SAMSN1: variants seen among roughly 807,000 people sequenced by gnomAD.
SAMSN1 encodes the protein SAM domain, SH3 domain and nuclear localization signals 1, also known as SAM domain-containing protein SAMSN-1.
In SAMSN1, 31 loss-of-function variants were observed where a neutral mutation model predicts 42.0. The ratio of observed to expected loss-of-function variants is 0.74; its 90% CI spans 0.55 to 1.00. The LOEUF (loss-of-function observed/expected upper bound fraction) is 1.00, where lower values mean the gene tolerates loss of function less well. SAMSN1 is among the 50% of genes least tolerant of loss of function. The probability of loss-of-function intolerance (pLI) is 0.00; values close to 1 mark genes in which losing one functional copy is unlikely to be tolerated. For missense variants in SAMSN1, 464 were observed against 439.4 expected (o/e 1.06, Z -0.50); for synonymous variants, 178 against 151.9 (o/e 1.17, Z -1.26).
intron 1 of SAMSN1, among the ~76,000 whole-genome samples, chr21:14,657,014 T>A (rs574985744): frequency 1.3e-5 from 2 of 151,886 alleles, no homozygotes; most frequent in African/African-American, 4.8e-5. Flanking sequence ...CAGCCATGGA[T>A]AAAACATGTT....
At chr21:14,582,456 T>C (rs1299344179) in exon 2 of SAMSN1, 1 of 1,446,746 alleles carries the variant, frequency 6.9e-7, no homozygotes, top group Non-Finnish European at 9.5e-7. Flanking sequence ...TTGGTTAATT[T>C]CAAACAAGAA....
Position 14,618,680 on chromosome 21 carries a change from GTGTGTGTGTGTGCGCGCGCGCGCA to G in SAMSN1, c.157-2688_157-2665del, listed in dbSNP as rs1405905690. Among the ~76,000 whole-genome samples the G allele has an allele frequency of 1.0e-3, 83 of 80,586 alleles. 2 individuals carry two copies. The highest frequency in any genetic ancestry group is 6.6e-3 in the South Asian group (18 of 2,748). The allele number at this position is 80,586 out of a possible 152,430, so 52.9% of individuals were successfully genotyped here. A position where few individuals can be genotyped will look rare whatever the true frequency, so the allele number is the denominator to read the frequency against. On this transcript the variant is annotated intron_variant, in intron 2 of 15. Coordinates refer to the SAMSN1 transcript ENST00000647101. ...TATGTGTGTGTGTGTGTGTGTGTGT[GTGTGTGTGTGTGCGCGCGCGCGCA>G]CGCGCGTGTGTGTGTGTGTGTGTTC...
At chr21:14,578,588 C>G (rs1386395881) in intron 2 of SAMSN1, among the ~76,000 whole-genome samples, 3 of 148,128 alleles carry the variant, frequency 2.0e-5, no homozygotes, top group Admixed American at 7.0e-5. Context: ...GAGGCTGAGG[C>G]AGGAGAATCA....
At chr21:14,536,189 G>A (rs34665130) in intron 1 of SAMSN1, among the ~76,000 whole-genome samples, 1 of 152,032 alleles carries the variant, frequency 6.6e-6, no homozygotes, top group African/African-American at 2.4e-5. Context: ...ATTTGGAAAC[G>A]GATATGTAAA....
chr21:14,568,056 A>T (rs926621742), intron 2 of SAMSN1, among the ~76,000 whole-genome samples: 1 of 152,204 alleles, frequency 6.6e-6, no homozygotes, highest in Admixed American at 6.5e-5. Flanking sequence ...AATGATGTCC[A>T]TTCTAGAAAT....
Position 14,510,382 on chromosome 21 carries a change from T to C in SAMSN1, c.489A>G (p.Pro163=), listed in dbSNP as rs1987633265. 1 of 1,614,200 alleles carries C rather than the reference T, an allele frequency of 6.2e-7. No homozygotes were observed. Among genetic ancestry groups the C allele is most frequent in the Non-Finnish European group, 8.5e-7 (1 of 1,180,026 alleles). ...RLDDDGPYSG[P]FCGRARVHTD... The stretch of plus-strand genomic sequence containing the variant: ...TATGCACTCTGGCACGGCCACAGAA[T>C]GGTCCTGAATAGGGGCCATCGTCAT... Residue 163 remains proline (P), a synonymous_variant, in exon 5 of 8, where the codon CCA becomes CCG. Transcript: ENST00000400566.
intron 2 of SAMSN1, among the ~76,000 whole-genome samples, chr21:14,553,432 G>A (rs74634327): frequency 6.6e-6 from 1 of 152,036 alleles, no homozygotes; most frequent in African/African-American, 2.4e-5. Context: ...ACTTGTCATT[G>A]CAAATGCTCA....
chr21:14,581,340 A>ATTTTTTTTTTTTTT (rs1404934178), intron 2 of SAMSN1, among the ~76,000 whole-genome samples: 6 of 22,530 alleles, frequency 2.7e-4, no homozygotes, highest in East Asian at 9.3e-4. Context: ...GGGAAATAAT[A>ATTTTTTTTTTTTTT]TTTCTTTTTT....
chr21:14,648,277 A>G (rs2123390939), intron 1 of SAMSN1, among the ~76,000 whole-genome samples: 1 of 152,332 alleles, frequency 6.6e-6, no homozygotes, highest in South Asian at 2.1e-4. Flanking sequence ...TTCAAGATGG[A>G]TTAAAGACTT....
rs557126434 is a variant in SAMSN1, at chr21:14,642,109, G to T, written c.156+893C>A. Among the ~76,000 whole-genome samples, 208 of 152,298 alleles carry T rather than the reference G, an allele frequency of 1.4e-3. 1 individual carries two copies. Among genetic ancestry groups the T allele is most frequent in the African/African-American group, 4.6e-3 (191 of 41,564 alleles). On this transcript the variant is annotated intron_variant, in intron 2 of 15. Transcript: ENST00000647101. ...TCTTTATTCCTGTCATCTTCACATT[G>T]AGTAGGCTGAGGAGGACGAGGAATA...
At chr21:14,499,629 G>A (rs1190071628) in intron 6 of SAMSN1, among the ~76,000 whole-genome samples, 1 of 151,970 alleles carries the variant, frequency 6.6e-6, no homozygotes. Context: ...GTGCATTCTT[G>A]GGGAAGTCAT....
At chr21:14,616,307 C>T (rs145675231) in intron 2 of SAMSN1, among the ~76,000 whole-genome samples, 3,630 of 150,890 alleles carry the variant, frequency 0.024, 80 homozygotes, top group Non-Finnish European at 0.035. Flanking sequence ...TAAGCCCTTG[C>T]CAGTTTAAAA....
intron 1 of SAMSN1, among the ~76,000 whole-genome samples, chr21:14,536,840 CTT>C (rs1979653242): frequency 6.6e-6 from 1 of 152,162 alleles, no homozygotes; most frequent in Admixed American, 6.5e-5. Flanking sequence ...TGTCTGCCAT[CTT>C]TAGACAGCAT....
chr21:14,587,628 C>G (rs1052425587), upstream of SAMSN1, among the ~76,000 whole-genome samples: 7 of 152,270 alleles, frequency 4.6e-5, no homozygotes, highest in African/African-American at 1.4e-4. Context: ...CTTTTAATAT[C>G]ACTTATATGC....
chr21:14,647,123 T>A (rs1238007517), intron 1 of SAMSN1, among the ~76,000 whole-genome samples: 1 of 152,308 alleles, frequency 6.6e-6, no homozygotes, highest in East Asian at 1.9e-4. Flanking sequence ...AGACATAGAC[T>A]GGCTGCATGA....
intron 2 of SAMSN1, among the ~76,000 whole-genome samples, chr21:14,636,319 G>A (rs1983466331): frequency 1.3e-5 from 2 of 152,024 alleles, no homozygotes; most frequent in Admixed American, 6.5e-5. Flanking sequence ...CTCCCAAAAA[G>A]ACACTCTTCT....
intron 2 of SAMSN1, among the ~76,000 whole-genome samples, chr21:14,577,265 TATATATATATATATA>T (rs1568816111): frequency 0.025 from 1,324 of 52,904 alleles, 112 homozygotes; most frequent in Non-Finnish European, 0.033. Flanking sequence ...TATATATATA[TATATATATATATATA>T]TATATTTTTT....
chr21:14,595,485 A>C (rs1982232808), intron 6 of SAMSN1, among the ~76,000 whole-genome samples: 1 of 152,168 alleles, frequency 6.6e-6, no homozygotes, highest in East Asian at 1.9e-4. Context: ...AACTAAGACA[A>C]AGGTGATTTC....
upstream of SAMSN1, among the ~76,000 whole-genome samples, chr21:14,586,262 C>CAAAAAAAAAAAAAAAA: frequency 2.0e-5 from 1 of 50,612 alleles, no homozygotes; most frequent in Non-Finnish European, 3.6e-5. Context: ...GACTCCATCT[C>CAAAAAAAAAAAAAAAA]AAAAAAAAAA....
Sources: gnomAD v4.1 joint callset for allele counts (sites outside exome capture counted in the v4.1 genomes callset) on GRCh38, gnomAD v4.1.1 for gene constraint, MANE v1.5 for transcripts, NCBI Gene and HGNC (gene_info 2026-07-23, HGNC 2026-07-21) for gene names.